Variants in ARMH3 observed in about 807,000 individuals in gnomAD.
The protein encoded by ARMH3 is armadillo-like helical domain-containing protein 3.
In ARMH3, 60 loss-of-function variants were observed where a neutral mutation model predicts 99.1. That is an observed-to-expected ratio of 0.61 (90% confidence interval 0.49 to 0.75). The LOEUF is 0.75. Among genes scored for constraint, ARMH3 ranks in the 30% least tolerant of loss-of-function variants. The pLI is 0.00. For missense variants in ARMH3, 679 were observed against 843.1 expected (o/e 0.81, Z 2.41); for synonymous variants, 285 against 292.8 (o/e 0.97, Z 0.27).
chr10:102,055,842 G>A (rs2067837186), intron 1 of ARMH3, among the ~76,000 whole-genome samples: 1 of 152,180 alleles, frequency 6.6e-6, no homozygotes, highest in Admixed American at 6.5e-5. Context: ...GTGGTCCGAG[G>A]GACCGGCCGC....
chr10:102,022,737 C>T (rs1198288168), intron 8 of ARMH3, among the ~76,000 whole-genome samples: 1 of 149,388 alleles, frequency 6.7e-6, no homozygotes, highest in Non-Finnish European at 1.5e-5. Flanking sequence ...CACACTGCCA[C>T]ACCCAGCTAA....
At chr10:101,950,675 T>C (rs1043824094) in intron 22 of ARMH3, among the ~76,000 whole-genome samples, 1 of 152,170 alleles carries the variant, frequency 6.6e-6, no homozygotes, top group Admixed American at 6.5e-5. Context: ...TTGAAAAGAT[T>C]CAAAATAAAA....
Position 101,910,355 on chromosome 10 carries a change from A to G in ARMH3, c.1782-20865T>C, listed in dbSNP as rs575311473. ...ACTGAACTGGGAGAATAAATATTAA[A>G]GTTAGTATTTAGATTATTTAGATTG... On this transcript the variant is annotated intron_variant, in intron 23 of 25. Transcript: ENST00000370033. Among the ~76,000 whole-genome samples, 23 of 150,992 alleles carry G rather than the reference A, an allele frequency of 1.5e-4. No individual in the cohort carries two copies. The South Asian group carries it at 4.6e-3, about 30-fold the overall frequency.
intron 24 of ARMH3, among the ~76,000 whole-genome samples, chr10:101,883,809 T>C (rs1033430091): frequency 3.9e-5 from 6 of 151,976 alleles, no homozygotes; most frequent in African/African-American, 1.5e-4. Context: ...CTGGAAAATA[T>C]AGTGAGACTC....
chr10:101,860,833 G>A (rs2066849089), intron 24 of ARMH3, among the ~76,000 whole-genome samples: 1 of 152,120 alleles, frequency 6.6e-6, no homozygotes, highest in South Asian at 2.1e-4. Flanking sequence ...TAGAGTAAAG[G>A]CTACTTTAAA....
In ARMH3 at chr10:101,882,885, A is replaced by G. The variant is rs551303792; in HGVS notation, c.1860+6527T>C. ...TCAAAGACCAGTTGAGGATCTTAGG[A>G]AAGATGAACCCTCTTCAATAATAAT... On this transcript the variant is annotated intron_variant, in intron 24 of 25. Transcript: ENST00000370033. 2.6e-5 allele frequency among the ~76,000 whole-genome samples: 4 copies of G among 152,330 alleles called. No homozygotes were observed. In the South Asian group the frequency reaches 8.3e-4, roughly 32 times the overall value.
intron 14 of ARMH3, among the ~76,000 whole-genome samples, chr10:102,004,321 C>T (rs1391320901): frequency 6.6e-6 from 1 of 152,064 alleles, no homozygotes; most frequent in Non-Finnish European, 1.5e-5. Flanking sequence ...AGTTAGGAGA[C>T]AGGGAAAAGA....
chr10:101,960,885 G>T (rs750286805), intron 20 of ARMH3, among the ~76,000 whole-genome samples: 2 of 126,882 alleles, frequency 1.6e-5, no homozygotes, highest in Admixed American at 1.7e-4. Context: ...GCAAAACTCC[G>T]TCTCAAAAAA....
intron 1 of ARMH3, among the ~76,000 whole-genome samples, chr10:102,049,000 C>CT (rs35877711): frequency 1.8e-3 from 262 of 147,828 alleles, no homozygotes; most frequent in Middle Eastern, 0.01. Context: ...CTCTCACTTT[C>CT]TTTTTTTTTT....
intron 24 of ARMH3, among the ~76,000 whole-genome samples, chr10:101,888,800 G>A (rs1220082544): frequency 6.6e-6 from 1 of 152,172 alleles, no homozygotes; most frequent in Non-Finnish European, 1.5e-5. Flanking sequence ...CCACGCTAAC[G>A]CCTCATCTGT....
chr10:101,896,457 T>C (rs2067838042), intron 23 of ARMH3, among the ~76,000 whole-genome samples: 1 of 152,224 alleles, frequency 6.6e-6, no homozygotes, highest in Non-Finnish European at 1.5e-5. Flanking sequence ...CTATTGGGTA[T>C]AGGGTTTCTT....
intron 23 of ARMH3, among the ~76,000 whole-genome samples, chr10:101,901,111 T>C (rs1431945041): frequency 6.6e-6 from 1 of 151,308 alleles, no homozygotes; most frequent in Non-Finnish European, 1.5e-5. Context: ...AGATGAGCCA[T>C]ACATAATACC....
chr10:101,877,718 G>T (rs1307577314), intron 24 of ARMH3, among the ~76,000 whole-genome samples: 4 of 152,000 alleles, frequency 2.6e-5, no homozygotes, highest in African/African-American at 9.7e-5. Context: ...CTCCATCACT[G>T]TTCCCTTCTA....
At chr10:101,941,150 A>G (rs1844223963) in intron 22 of ARMH3, among the ~76,000 whole-genome samples, 1 of 152,212 alleles carries the variant, frequency 6.6e-6, no homozygotes, top group Non-Finnish European at 1.5e-5. Flanking sequence ...CTGGAGGGAA[A>G]TGACTCAAGA....
chr10:102,030,789 T>C (rs2067111711), intron 4 of ARMH3, among the ~76,000 whole-genome samples: 1 of 152,148 alleles, frequency 6.6e-6, no homozygotes, highest in South Asian at 2.1e-4. Flanking sequence ...GTCTTGTTTT[T>C]GTTTTTGTTT....
intron 1 of ARMH3, among the ~76,000 whole-genome samples, chr10:102,046,881 G>C (rs2067566938): frequency 6.6e-6 from 1 of 152,164 alleles, no homozygotes; most frequent in South Asian, 2.1e-4. Flanking sequence ...TGTACTCATG[G>C]GCTTTAATGA....
intron 11 of ARMH3, among the ~76,000 whole-genome samples, chr10:102,011,262 T>G (rs2066623147): frequency 6.6e-6 from 1 of 151,932 alleles, no homozygotes; most frequent in Admixed American, 6.6e-5. Context: ...GGACCAGCTA[T>G]GAGGATCAAA....
At chr10:101,858,205 G>C (rs1280679353) in intron 24 of ARMH3, among the ~76,000 whole-genome samples, 1 of 152,234 alleles carries the variant, frequency 6.6e-6, no homozygotes, top group African/African-American at 2.4e-5. Flanking sequence ...GTTGGGTCTA[G>C]TTGTACCTGG....
chr10:101,909,571 G>A (rs1004099252), intron 23 of ARMH3, among the ~76,000 whole-genome samples: 3 of 140,304 alleles, frequency 2.1e-5, no homozygotes, highest in Non-Finnish European at 4.5e-5. Context: ...CCAAGCTCAT[G>A]TAATCCTCCT....
Sources: gnomAD v4.1 joint callset for allele counts (sites outside exome capture counted in the v4.1 genomes callset) on GRCh38, gnomAD v4.1.1 for gene constraint, MANE v1.5 for transcripts, NCBI Gene and HGNC (gene_info 2026-07-23, HGNC 2026-07-21) for gene names.